Variants in C7 observed in about 807,000 individuals in gnomAD.
C7 encodes the protein complement component C7.
C7 carries 83 observed loss-of-function variants against 104.8 expected under a neutral mutation model. That is an observed-to-expected ratio of 0.79 (90% CI 0.66 to 0.95). The LOEUF (loss-of-function observed/expected upper bound fraction) is 0.95. C7 is among the 40% of genes least tolerant of loss of function. The pLI, the probability that C7 is intolerant of heterozygous loss-of-function variation, is 0.00. For synonymous variants in C7, 415 were observed against 360.6 expected (o/e 1.15, Z -1.71); for missense variants, 1,070 against 1,011.2 (o/e 1.06, Z -0.79).
In C7 at chr5:40,942,768, C is replaced by CT. The variant is rs530693111; in HGVS notation, c.568-2415dup. 8.0e-3 allele frequency among the ~76,000 whole-genome samples: 1,113 copies of CT among 138,702 alleles called. 2 individuals carry two copies. Among genetic ancestry groups the CT allele is most frequent in the Middle Eastern group, 0.022 (6 of 270 alleles). 91.0% of individuals were successfully genotyped at this position (138,702 alleles called of 152,430 possible). A position where few individuals can be genotyped will look rare whatever the true frequency, so the allele number is the denominator to read the frequency against. Reference sequence around the variant, plus strand: ...TACAGTTGTGCGATTTTCTTTCTTTCTTTTTTTTTTTTTTTGAGACAGAGT... The same window carrying CT: ...TACAGTTGTGCGATTTTCTTTCTTTCTTTTTTTTTTTTTTTTGAGACAGAGT... On this transcript the variant is annotated intron_variant, in intron 6 of 17. Coordinates refer to ENST00000313164, the MANE Select transcript of C7 (RefSeq NM_000587.4).
intron 13 of C7, among the ~76,000 whole-genome samples, chr5:40,963,778 T>G (rs1579867958): frequency 6.6e-6 from 1 of 152,164 alleles, no homozygotes; most frequent in Non-Finnish European, 1.5e-5. Flanking sequence ...GAAAGCTCGC[T>G]TCCTGCCATT....
chr5:40,935,283 A>AATGTCTCTCTT (rs1739788871), intron 4 of C7, among the ~76,000 whole-genome samples: 1 of 152,166 alleles, frequency 6.6e-6, no homozygotes, highest in South Asian at 2.1e-4. Context: ...CGTTGGCCTG[A>AATGTCTCTCTT]ATGTCTCTCT....
chr5:40,922,212 T>C (rs987818658), intron 1 of C7, among the ~76,000 whole-genome samples: 2 of 150,230 alleles, frequency 1.3e-5, no homozygotes, highest in African/African-American at 4.9e-5. Context: ...CCATCTCTAC[T>C]AAAAATACGA....
In C7 at chr5:40,958,102, G is replaced by A. The variant is rs749523905; in HGVS notation, c.1330G>A (p.Ala444Thr). Residue 444 changes from alanine (A) to threonine (T), a missense_variant, in exon 11 of 18, where the codon GCT becomes ACT. By Grantham distance (58) the Ala-to-Thr change is moderately conservative. Coordinates refer to ENST00000313164, the MANE Select transcript of C7 (RefSeq NM_000587.4). Reference protein sequence around the residue: ...ASVKKLYLKWALEEYLDEFDP... With the variant: ...ASVKKLYLKWTLEEYLDEFDP... ...TGTGAAAAAACTATACCTGAAATGGGCTCTTGAAGAGTATCTGGATGAATT... is the reference window on the plus strand; with the variant it reads ...TGTGAAAAAACTATACCTGAAATGGACTCTTGAAGAGTATCTGGATGAATT... 14 of 1,613,670 alleles carry A rather than the reference G, an allele frequency of 8.7e-6. No individual in the cohort carries two copies.
At chr5:40,939,485 G>T (rs1377692818) in intron 6 of C7, among the ~76,000 whole-genome samples, 2 of 152,200 alleles carry the variant, frequency 1.3e-5, no homozygotes, top group Non-Finnish European at 2.9e-5. Flanking sequence ...TGGTCTGTCA[G>T]ATTTCACAGC....
rs904549583 is a variant in C7, at chr5:40,981,577, C to T, written c.*4C>T. 3.7e-6 allele frequency: 6 copies of T among 1,600,146 alleles called. No individual in the cohort carries two copies. In the African/African-American group the frequency reaches 6.7e-5, roughly 18 times the overall value. On this transcript the variant is annotated 3_prime_UTR_variant, in exon 18 of 18. Coordinates refer to ENST00000313164, the MANE Select transcript of C7 (RefSeq NM_000587.4). ...TTGTGCTGCGGAAACCCAGTAGGCTCCTGGAGGCCCTGGTCAGCTTGCTTG... is the reference window on the plus strand; with the variant it reads ...TTGTGCTGCGGAAACCCAGTAGGCTTCTGGAGGCCCTGGTCAGCTTGCTTG...
chr5:40,918,534 A>T (rs904574597), intron 1 of C7, among the ~76,000 whole-genome samples: 1 of 152,192 alleles, frequency 6.6e-6, no homozygotes, highest in South Asian at 2.1e-4. Context: ...AGAGCCAACT[A>T]TACGTTACCT....
rs190738616 is a variant in C7 at position 40,955,269 on chromosome 5, C to A, written c.1094-118C>A. The stretch of plus-strand genomic sequence containing the variant: ...TATTCATCCCTCCCTTCTTTCTGAC[C>A]ACAATTTATCTTTTGACTGTTTCCA... On this transcript the variant is annotated intron_variant, in intron 9 of 17. Coordinates refer to ENST00000313164, the MANE Select transcript of C7 (RefSeq NM_000587.4). 3.5e-4 allele frequency: 326 copies of A among 927,058 alleles called. 1 individual carries two copies. The Middle Eastern group carries it at 4.8e-3, about 14-fold the overall frequency. 57.4% of individuals were successfully genotyped at this position (927,058 alleles called of 1,614,324 possible). A position where few individuals can be genotyped will look rare whatever the true frequency, so the allele number is the denominator to read the frequency against.
chr5:40,929,376 G>C (rs1405567228), intron 2 of C7, among the ~76,000 whole-genome samples: 1 of 152,122 alleles, frequency 6.6e-6, no homozygotes, highest in Admixed American at 6.6e-5. Flanking sequence ...CAGGACAGAG[G>C]CTAGAAAAAT....
chr5:40,964,567 G>A, intron 13 of C7, 174 bp from the exon 14 acceptor site: 1 of 528,950 alleles, frequency 1.9e-6, no homozygotes. Context: ...AATTAATGGT[G>A]GTGCTAGTGT....
At chr5:40,940,715 A>C (rs920881041) in intron 6 of C7, among the ~76,000 whole-genome samples, 2 of 152,214 alleles carry the variant, frequency 1.3e-5, no homozygotes, top group Non-Finnish European at 2.9e-5. Flanking sequence ...AACGCTTTGT[A>C]TACTAAGCAC....
intron 1 of C7, among the ~76,000 whole-genome samples, chr5:40,910,121 A>G (rs181819923): frequency 1.3e-5 from 2 of 152,204 alleles, no homozygotes; most frequent in Admixed American, 6.6e-5. Flanking sequence ...TTGTGAGAAT[A>G]GAAGATATGA....
In C7 at chr5:40,984,369, CA is replaced by C. The variant is rs1454191481; in HGVS notation, c.*2797del. Among the ~76,000 whole-genome samples, 1 of 152,132 alleles carries C rather than the reference CA, an allele frequency of 6.6e-6. No homozygotes were observed. Among genetic ancestry groups the C allele is most frequent in the African/African-American group, 2.4e-5 (1 of 41,422 alleles). On this transcript the variant is annotated 3_prime_UTR_variant, in exon 18 of 18. Coordinates refer to ENST00000313164, the MANE Select transcript of C7 (RefSeq NM_000587.4). ...AACTTTGGATTACCTAGCAACTAGC[CA>C]GGTAACTGGCTAATCTGATTGAGGG...
At chr5:40,961,634 C>T (rs1241196628) in intron 12 of C7, among the ~76,000 whole-genome samples, 1 of 152,146 alleles carries the variant, frequency 6.6e-6, no homozygotes, top group African/African-American at 2.4e-5. Flanking sequence ...TATCTGCCTG[C>T]CCTGTCCTCC....
intron 9 of C7, 100 bp from the exon 10 acceptor site, chr5:40,955,287 T>C (rs181823195): frequency 9.2e-7 from 1 of 1,084,784 alleles, no homozygotes; most frequent in Non-Finnish European, 1.4e-6. Flanking sequence ...ATCTTTTGAC[T>C]GTTTCCATAG....
chr5:40,949,370 A>AAC lies in C7; in HGVS notation c.983-533_983-532insCA, dbSNP rs529105682. ...CAAAAAATGCATTGGCAAAAAAAAA[A>AAC]AAACACAAAAAACTCCCCTTGATAA... On this transcript the variant is annotated intron_variant, in intron 8 of 17. Coordinates refer to ENST00000313164, the MANE Select transcript of C7 (RefSeq NM_000587.4). 3.4e-3 allele frequency among the ~76,000 whole-genome samples: 517 copies of AAC among 151,684 alleles called. 1 individual carries two copies. Among genetic ancestry groups the AAC allele is most frequent in the African/African-American group, 0.012 (490 of 41,462 alleles).
chr5:40,923,082 G>A (rs1739475568), intron 1 of C7, among the ~76,000 whole-genome samples: 1 of 151,898 alleles, frequency 6.6e-6, no homozygotes, highest in Admixed American at 6.6e-5. Context: ...ATCTGACAAG[G>A]GATTAAGAAT....
rs775456131 is a variant in C7, at chr5:40,928,583, A to C, written c.10A>C (p.Ile4Leu). ...CTTTATTGTTTTTCTTCTCCAGGTG[A>C]TAAGCTTATTCATTTTGGTGGGATT... Reference protein sequence around the residue: MKVISLFILVGFIG... With the variant: MKVLSLFILVGFIG... Residue 4 changes from isoleucine to leucine, a missense_variant, in exon 2 of 18, where the codon ATA becomes CTA. Ile to Leu is a conservative substitution (Grantham distance 5). Transcript: ENST00000313164. 26 of 1,519,206 alleles carry C rather than the reference A, an allele frequency of 1.7e-5. No individual in the cohort carries two copies. Among genetic ancestry groups the C allele is most frequent in the Non-Finnish European group, 2.2e-5 (25 of 1,119,176 alleles). 94.1% of individuals were successfully genotyped at this position (1,519,206 alleles called of 1,614,324 possible). A position where few individuals can be genotyped will look rare whatever the true frequency, so the allele number is the denominator to read the frequency against.
rs912191760 is a variant in C7 at position 40,945,149 on chromosome 5, G to T, written c.568-49G>T. 1.5e-5 allele frequency: 15 copies of T among 984,942 alleles called. No individual in the cohort carries two copies. The African/African-American group carries it at 2.2e-4, about 14-fold the overall frequency. 61.0% of individuals were successfully genotyped at this position (984,942 alleles called of 1,614,324 possible). On this transcript the variant is annotated intron_variant, in intron 6 of 17. Transcript: ENST00000313164. ...GCATGAAGAAAGTATGCATGATAAAGGATCCAGCATTAATTTAGTCATAGC... is the reference window on the plus strand; with the variant it reads ...GCATGAAGAAAGTATGCATGATAAATGATCCAGCATTAATTTAGTCATAGC...
Sources: allele counts gnomAD v4.1 joint callset (sites outside exome capture counted in the v4.1 genomes callset), GRCh38; gene constraint gnomAD v4.1.1; transcripts MANE v1.5; gene names NCBI Gene and HGNC (gene_info 2026-07-23, HGNC 2026-07-21).